Variants in PSG4 observed in about 807,000 individuals in gnomAD.
The protein encoded by PSG4 is pregnancy specific beta-1-glycoprotein 4.
A neutral mutation model predicts 44.3 loss-of-function variants in PSG4; 61 were observed. The ratio of observed to expected loss-of-function variants is 1.38; its 90% CI spans 1.12 to 1.70. PSG4 has a LOEUF of 1.70. Ranked by LOEUF, PSG4 falls within the 40% of genes most tolerant of loss-of-function variation. The pLI is 0.00. For synonymous variants in PSG4, 248 were observed against 191.3 expected, an observed-to-expected ratio of 1.30 and a Z score of -2.45; for missense variants, 677 against 511.7, an observed-to-expected ratio of 1.32 and a Z score of -3.12.
rs1568386088 is a variant in PSG4 at position 43,198,182 on chromosome 19, G to A, written c.524C>T (p.Ala175Val). The change falls in exon 3 of 6, where the codon GCC becomes GTC. Residue 175 changes from alanine (A) to valine (V), a missense_variant. Transcript: ENST00000405312. ...VILTCDPATP[A>V]ASYQWWMNGQ... is the part of the protein sequence containing the mutation. ...ATTCATCCACCACTGGTAGCTTGCG[G>A]CTGGAGTCGCAGGATCACAGGTTAA... The A allele has an allele frequency of 6.3e-7, 1 of 1,587,804 alleles. No individual in the cohort carries two copies. The highest frequency in any genetic ancestry group is 8.5e-7 in the Non-Finnish European group (1 of 1,171,856).
Position 43,199,209 on chromosome 19 carries a change from C to T in PSG4, c.431-934G>A, listed in dbSNP as rs1433624289. On this transcript the variant is annotated intron_variant, in intron 2 of 5. Transcript: ENST00000405312. ...GGAAGAAGTCTTGCAGATACTTTCT[C>T]TCATTAGACATTCTACTCTCTGATT... 7.6e-5 allele frequency among the ~76,000 whole-genome samples: 11 copies of T among 145,634 alleles called. 3 individuals carry two copies. Among genetic ancestry groups the T allele is most frequent in the Middle Eastern group, 6.5e-3 (2 of 310 alleles).
chr19:43,194,266 T>C, intron 5 of PSG4, 74 bp downstream of exon 5: 1 of 1,608,562 alleles, frequency 6.2e-7, no homozygotes, highest in South Asian at 1.1e-5. Context: ...TAAAAATGTT[T>C]TCCTCACTCT....
chr19:43,200,699 C>T (rs1967469030), intron 2 of PSG4, among the ~76,000 whole-genome samples: 1 of 145,564 alleles, frequency 6.9e-6, no homozygotes, highest in Non-Finnish European at 1.5e-5. Flanking sequence ...CCTCAGCCTC[C>T]CAAGTAGCTG....
intron 1 of PSG4, 96 bp downstream of exon 1, chr19:43,205,377 C>G: frequency 7.3e-7 from 1 of 1,375,204 alleles, no homozygotes; most frequent in Non-Finnish European, 9.8e-7. Flanking sequence ...AAAGTGCTGG[C>G]TTCTTTCATT....
chr19:43,195,741 A>G (rs549612929), intron 3 of PSG4, among the ~76,000 whole-genome samples: 5 of 150,944 alleles, frequency 3.3e-5, no homozygotes, highest in Admixed American at 6.6e-5. Context: ...CATTGTCCTG[A>G]AACCCTGAAG....
At chr19:43,198,414 G>A (rs1489065313) in intron 2 of PSG4, 139 bp from the exon 3 acceptor site, 9 of 1,388,032 alleles carry the variant, frequency 6.5e-6, no homozygotes, top group African/African-American at 1.6e-5. Context: ...GTGTGTTAAA[G>A]ACAGATGCAT....
chr19:43,195,445 CTG>C (rs931275535), intron 3 of PSG4, among the ~76,000 whole-genome samples, 172 bp from the exon 4 acceptor site: 5 of 151,488 alleles, frequency 3.3e-5, no homozygotes, highest in African/African-American at 9.7e-5. Context: ...GGCTCAAAGA[CTG>C]TGAGGCCACC....
chr19:43,192,999 C>T lies in PSG4; in HGVS notation c.*373G>A, dbSNP rs1385650004. The T allele has an allele frequency of 1.1e-4, 57 of 531,672 alleles. No individual in the cohort carries two copies. Among genetic ancestry groups the T allele is most frequent in the South Asian group, 1.9e-4 (7 of 37,618 alleles). 32.9% of individuals were successfully genotyped at this position (531,672 alleles called of 1,614,324 possible). A position where few individuals can be genotyped will look rare whatever the true frequency, so the allele number is the denominator to read the frequency against. Reference sequence around the variant, plus strand: ...TGACATATCTGACACTCTGTTGTTACCCTCAGAAGCTACTACATGTGAAAT... The same window carrying T: ...TGACATATCTGACACTCTGTTGTTATCCTCAGAAGCTACTACATGTGAAAT... On this transcript the variant is annotated 3_prime_UTR_variant, in exon 6 of 6. Coordinates refer to ENST00000405312, the MANE Select transcript of PSG4 (RefSeq NM_002780.5).
chr19:43,194,303 T>G (rs758347108), intron 5 of PSG4, 37 bp downstream of exon 5: 5 of 1,611,754 alleles, frequency 3.1e-6, no homozygotes, highest in Non-Finnish European at 4.2e-6. Flanking sequence ...AGACTCCACC[T>G]AAATCCCTAT....
In PSG4 at chr19:43,205,168, T is replaced by C. The variant is rs1328428463; in HGVS notation, c.64+305A>G. On this transcript the variant is annotated intron_variant, in intron 1 of 5. Coordinates refer to ENST00000405312, the MANE Select transcript of PSG4 (RefSeq NM_002780.5). Reference sequence around the variant, plus strand: ...TGTCACCCAGGCTGGTGTGCAGTAGTGCTATCTTGGCTAGCTGCAACTTCT... The same window carrying C: ...TGTCACCCAGGCTGGTGTGCAGTAGCGCTATCTTGGCTAGCTGCAACTTCT... Among the ~76,000 whole-genome samples, 9 of 127,926 alleles carry C rather than the reference T, an allele frequency of 7.0e-5. 1 individual carries two copies. Among genetic ancestry groups the C allele is most frequent in the South Asian group, 5.4e-4 (2 of 3,718 alleles). The allele number at this position is 127,926 out of a possible 152,430, so 83.9% of individuals were successfully genotyped here.
intron 3 of PSG4, among the ~76,000 whole-genome samples, chr19:43,197,131 C>T (rs1258152111): frequency 6.9e-6 from 1 of 145,516 alleles, no homozygotes; most frequent in Non-Finnish European, 1.5e-5. Flanking sequence ...AATTTCCTTT[C>T]AGATTGTTCA....
chr19:43,201,296 G>A lies in PSG4; in HGVS notation c.430+2590C>T, dbSNP rs377664304. On this transcript the variant is annotated intron_variant, in intron 2 of 5. Coordinates refer to ENST00000405312, the MANE Select transcript of PSG4 (RefSeq NM_002780.5). ...TAACACCCTTACTTTGCCCAGGGAC[G>A]GCCTTTGTCAAACTAGTGAAAGACC... is the stretch of plus-strand genomic sequence containing the variant. 5.5e-5 allele frequency among the ~76,000 whole-genome samples: 8 copies of A among 145,338 alleles called. 1 individual carries two copies. The highest frequency in any genetic ancestry group is 8.9e-5 in the Non-Finnish European group (6 of 67,172).
chr19:43,204,277 A>G, intron 1 of PSG4, 26 bp from the exon 2 acceptor site: 1 of 1,544,634 alleles, frequency 6.5e-7, no homozygotes, highest in Non-Finnish European at 8.7e-7. Flanking sequence ...AGCATCAGTT[A>G]ATATTGAGAC....
At chr19:43,201,819 T>TTGTGTG (rs57230870) in intron 2 of PSG4, among the ~76,000 whole-genome samples, 29,904 of 139,276 alleles carry the variant, frequency 0.21, 5,257 homozygotes, top group Non-Finnish European at 0.27. Flanking sequence ...TTCAATAATT[T>TTGTGTG]TGTGTGTGTG....
rs1254900525 is a variant in PSG4, at chr19:43,194,617, A to G, written c.989-23T>C. The G allele has an allele frequency of 3.3e-5, 53 of 1,597,584 alleles. 3 individuals carry two copies. The highest frequency in any genetic ancestry group is 4.4e-5 in the Non-Finnish European group (52 of 1,170,470). ...CATCTGGCGCAAAGAGAATAAAGCC[A>G]TAGGTGATGTCATCCGAGGGAAGGG... On this transcript the variant is annotated intron_variant, in intron 4 of 5. Coordinates refer to ENST00000405312, the MANE Select transcript of PSG4 (RefSeq NM_002780.5).
intron 2 of PSG4, 73 bp downstream of exon 2, chr19:43,203,813 T>G: frequency 1.5e-5 from 23 of 1,553,280 alleles, no homozygotes; most frequent in South Asian, 3.5e-5. Flanking sequence ...AGTCCAGGCC[T>G]GAGAATCCTG....
intron 2 of PSG4, chr19:43,203,554 C>G: frequency 3.3e-6 from 1 of 306,540 alleles, no homozygotes; most frequent in South Asian, 4.5e-5. Context: ...GCCCCTCAGG[C>G]CAGCCCTACT....
rs181970147 is a variant in PSG4, at chr19:43,200,251, C to T, written c.431-1976G>A. On this transcript the variant is annotated intron_variant, in intron 2 of 5. Coordinates refer to ENST00000405312, the MANE Select transcript of PSG4 (RefSeq NM_002780.5). ...TGAAAATGGCATCATCATGAGGAAACAGTTGTATGTGGCACAGGCAGTAAA... is the reference window on the plus strand; with the variant it reads ...TGAAAATGGCATCATCATGAGGAAATAGTTGTATGTGGCACAGGCAGTAAA... Among the ~76,000 whole-genome samples, 10 of 144,892 alleles carry T rather than the reference C, an allele frequency of 6.9e-5. 1 individual carries two copies. The highest frequency in any genetic ancestry group is 1.4e-4 in the Admixed American group (2 of 14,602).
At position 43,204,505 on chromosome 19, in the gene PSG4, C is replaced by T. The variant is rs552458348; in HGVS notation, c.65-254G>A. 32 of 500,444 alleles carry T rather than the reference C, an allele frequency of 6.4e-5. 2 individuals are homozygous for T. In the Admixed American group the frequency reaches 9.1e-4, roughly 14 times the overall value. The allele number at this position is 500,444 out of a possible 1,614,324, so 31.0% of individuals were successfully genotyped here. On this transcript the variant is annotated intron_variant, in intron 1 of 5. Coordinates refer to ENST00000405312, the MANE Select transcript of PSG4 (RefSeq NM_002780.5). ...TTTTTCTTTTTGGATTCCTCTTCCC[C>T]AGGGGTCCGCACGGCCCCCTCCACA...
Sources: allele counts gnomAD v4.1 joint callset (sites outside exome capture counted in the v4.1 genomes callset), GRCh38; gene constraint gnomAD v4.1.1; transcripts MANE v1.5; gene names NCBI Gene and HGNC (gene_info 2026-07-23, HGNC 2026-07-21).